The following POLR1D variants were observed in gnomAD, a reference collection of about 807,000 sequenced individuals.
POLR1D encodes RNA polymerase I and III subunit D.
A neutral mutation model predicts 10.8 loss-of-function variants in POLR1D; 8 were observed. That is an observed-to-expected ratio of 0.74 (90% confidence interval 0.43 to 1.33). POLR1D has a LOEUF of 1.33. Ranked by LOEUF, POLR1D falls within the 40% of genes most tolerant of loss-of-function variation. POLR1D has a pLI of 0.01. For missense variants in POLR1D, 152 were observed against 161.7 expected, an observed-to-expected ratio of 0.94 and a Z score of 0.32; for synonymous variants, 54 against 57.2, an observed-to-expected ratio of 0.94 and a Z score of 0.25.
intron 2 of POLR1D, among the ~76,000 whole-genome samples, chr13:27,664,298 T>C (rs1227903463): frequency 6.6e-5 from 10 of 152,194 alleles, no homozygotes; most frequent in Non-Finnish European, 1.2e-4. Flanking sequence ...TGCAGAACTG[T>C]TTTTTCTTTG....
At chr13:27,655,591 G>A (rs543570365) in intron 2 of POLR1D, among the ~76,000 whole-genome samples, 10 of 152,242 alleles carry the variant, frequency 6.6e-5, no homozygotes, top group South Asian at 4.1e-4. Flanking sequence ...GTTTTTATAC[G>A]TCTTAATTAC....
At chr13:27,631,433 G>C (rs368995897) in intron 1 of POLR1D, among the ~76,000 whole-genome samples, 2 of 152,292 alleles carry the variant, frequency 1.3e-5, no homozygotes, top group South Asian at 4.1e-4. Flanking sequence ...TTAGACATGA[G>C]TCAGTAAGTC....
At chr13:27,665,460 A>C in intron 2 of POLR1D, 1 of 559,178 alleles carries the variant, frequency 1.8e-6, no homozygotes, top group Non-Finnish European at 3.2e-6. Context: ...GAAGGAAGAA[A>C]GGTTTAAAGT....
chr13:27,641,142 AAAAG>A (rs535283627), intron 1 of POLR1D, among the ~76,000 whole-genome samples: 194 of 152,358 alleles, frequency 1.3e-3, no homozygotes, highest in Non-Finnish European at 2.2e-3. Flanking sequence ...TGCTTACAAA[AAAAG>A]GGGCACTGCA....
intron 2 of POLR1D, among the ~76,000 whole-genome samples, chr13:27,659,906 GTA>G (rs142807905): frequency 4.1e-4 from 59 of 144,970 alleles, no homozygotes; most frequent in Admixed American, 7.5e-4. Context: ...TATCTCAGGT[GTA>G]TATATATATA....
intron 1 of POLR1D, among the ~76,000 whole-genome samples, chr13:27,644,694 TACCAAGA>T (rs2138550791): frequency 6.6e-6 from 1 of 152,264 alleles, no homozygotes; most frequent in East Asian, 1.9e-4. Flanking sequence ...AAAACTAGCA[TACCAAGA>T]ACTAAGTTTA....
At chr13:27,660,765 C>G (rs912123973) in intron 2 of POLR1D, 1 of 152,354 alleles carries the variant, frequency 6.6e-6, no homozygotes, top group Non-Finnish European at 1.5e-5. Context: ...TCCACTCTCT[C>G]TGCCCCTTTC....
chr13:27,624,802 A>G (rs1955991981), downstream of POLR1D, among the ~76,000 whole-genome samples: 1 of 152,068 alleles, frequency 6.6e-6, no homozygotes, highest in Non-Finnish European at 1.5e-5. Flanking sequence ...GCGAGAGGAT[A>G]TCTTGAACCT....
chr13:27,628,855 A>T (rs1400317690), intron 1 of POLR1D, among the ~76,000 whole-genome samples: 1 of 152,200 alleles, frequency 6.6e-6, no homozygotes, highest in Non-Finnish European at 1.5e-5. Flanking sequence ...TCGCACTGTT[A>T]CCAAGGCTGG....
At chr13:27,650,919 T>TTA (rs1956263896) in intron 2 of POLR1D, 1 of 152,172 alleles carries the variant, frequency 6.6e-6, no homozygotes, top group Admixed American at 6.5e-5. Flanking sequence ...AAGTAAGCAT[T>TTA]TACCCTGTTC....
chr13:27,652,993 T>A (rs7330014), intron 2 of POLR1D, among the ~76,000 whole-genome samples: 2 of 144,470 alleles, frequency 1.4e-5, no homozygotes, highest in Non-Finnish European at 3.0e-5. Flanking sequence ...TCTGCCTCCC[T>A]GGTGCAAGCA....
chr13:27,628,240 AC>A, downstream of POLR1D, among the ~76,000 whole-genome samples: 3 of 152,346 alleles, frequency 2.0e-5, no homozygotes, highest in Admixed American at 2.0e-4. Context: ...GTCTGCACTC[AC>A]CAAGCTGCTT....
intron 2 of POLR1D, among the ~76,000 whole-genome samples, chr13:27,664,349 G>A (rs1268050477): frequency 6.6e-6 from 1 of 152,064 alleles, no homozygotes; most frequent in Non-Finnish European, 1.5e-5. Context: ...ATTCACTGTG[G>A]CTTCTAAACT....
chr13:27,626,375 C>A (rs186568594), downstream of POLR1D, among the ~76,000 whole-genome samples: 313 of 152,314 alleles, frequency 2.1e-3, 1 homozygote, highest in Non-Finnish European at 2.6e-3. Context: ...TTAGACTGAT[C>A]ACGTAGAATG....
downstream of POLR1D, among the ~76,000 whole-genome samples, chr13:27,625,985 T>A (rs1474359617): frequency 6.6e-6 from 1 of 152,122 alleles, no homozygotes; most frequent in Non-Finnish European, 1.5e-5. Context: ...ATGAAGACAT[T>A]GGAAGAGGTG....
chr13:27,638,109 C>G (rs1451468382), intron 1 of POLR1D, among the ~76,000 whole-genome samples: 5 of 152,208 alleles, frequency 3.3e-5, no homozygotes, highest in Non-Finnish European at 7.3e-5. Flanking sequence ...GCCTGGTGAT[C>G]AAGATGAGGC....
intron 1 of POLR1D, among the ~76,000 whole-genome samples, chr13:27,633,428 C>G (rs1006120563): frequency 3.3e-5 from 5 of 152,154 alleles, no homozygotes; most frequent in African/African-American, 1.2e-4. Context: ...TCAAAAAAAT[C>G]TAATGGGGTG....
chr13:27,658,145 C>A (rs1956326357), intron 2 of POLR1D, among the ~76,000 whole-genome samples: 1 of 152,214 alleles, frequency 6.6e-6, no homozygotes, highest in Admixed American at 6.5e-5. Context: ...CTGTGCCCCA[C>A]TATCAGTGAT....
chr13:27,641,461 C>T (rs113107720), intron 1 of POLR1D, among the ~76,000 whole-genome samples: 23 of 149,878 alleles, frequency 1.5e-4, no homozygotes, highest in African/African-American at 5.4e-4. Context: ...GGAATATATA[C>T]GAAATATTTC....
Sources: allele counts gnomAD v4.1 joint callset (sites outside exome capture counted in the v4.1 genomes callset), GRCh38; gene constraint gnomAD v4.1.1; transcripts MANE v1.5; gene names NCBI Gene and HGNC (gene_info 2026-07-23, HGNC 2026-07-21).